The following ZCCHC8 variants were observed in gnomAD, a reference collection of about 807,000 sequenced individuals.
The protein encoded by ZCCHC8 is zinc finger CCHC domain-containing protein 8.
A neutral mutation model predicts 70.6 loss-of-function variants in ZCCHC8; 27 were observed. The ratio of observed to expected loss-of-function variants is 0.38; its 90% CI spans 0.28 to 0.53. The LOEUF (loss-of-function observed/expected upper bound fraction) is 0.53. ZCCHC8 is among the 20% of genes least tolerant of loss of function. The probability of loss-of-function intolerance (pLI) is 0.81; values close to 1 mark genes in which losing one functional copy is unlikely to be tolerated. For missense variants in ZCCHC8, 737 were observed against 876.9 expected (o/e 0.84, Z 2.01); for synonymous variants, 293 against 317.4 (o/e 0.92, Z 0.82).
rs530535659 is a variant in ZCCHC8 at position 122,479,324 on chromosome 12, G to A, written c.1140+866C>T. On this transcript the variant is annotated intron_variant, in intron 11 of 13. Coordinates refer to ENST00000633063, the MANE Select transcript of ZCCHC8 (RefSeq NM_017612.5). ...CTCCTGAGCTCCAGGTGATCCACCC[G>A]CCTTGGCTTCCCAAAGTGCTGGGAT... is the stretch of plus-strand genomic sequence containing the variant. Among the ~76,000 whole-genome samples the A allele has an allele frequency of 1.5e-4, 23 of 152,268 alleles. No individual in the cohort carries two copies. In the East Asian group the frequency reaches 1.5e-3, roughly 10 times the overall value.
intron 4 of ZCCHC8, 64 bp from the exon 5 acceptor site, chr12:122,489,527 T>C: frequency 7.2e-7 from 1 of 1,393,632 alleles, no homozygotes; most frequent in South Asian, 1.2e-5. Context: ...AAATGGAAGT[T>C]AGTAAGTTTA....
chr12:122,473,531 C>T lies in ZCCHC8; in HGVS notation c.2090G>A (p.Arg697Gln), dbSNP rs374767090. Residue 697 changes from arginine (R) to glutamine (Q), a missense_variant, in exon 14 of 14, where the codon CGA becomes CAA. Arg to Gln is a conservative substitution (Grantham distance 43). Transcript: ENST00000633063. ...RIRSLLKNSP[R>Q]NQQKNKKASE ...GGCCTTTTTGTTTTTCTGCTGGTTT[C>T]GGGGTGAGTTCTTTAACAAGCTTCT... 15 of 1,613,672 alleles carry T rather than the reference C, an allele frequency of 9.3e-6. No individual in the cohort carries two copies. Among genetic ancestry groups the T allele is most frequent in the East Asian group, 2.2e-5 (1 of 44,896 alleles).
At chr12:122,480,513 C>A (rs1188610693) in intron 10 of ZCCHC8, 2 of 417,306 alleles carry the variant, frequency 4.8e-6, no homozygotes, top group East Asian at 9.1e-5. Context: ...TGCTTTGTCA[C>A]CAGGCTGGAG....
intron 5 of ZCCHC8, among the ~76,000 whole-genome samples, chr12:122,486,088 A>G (rs1957631414): frequency 6.6e-6 from 1 of 152,168 alleles, no homozygotes; most frequent in Admixed American, 6.5e-5. Flanking sequence ...CCAGCTACAG[A>G]CTATTTTCCA....
In ZCCHC8 at chr12:122,492,803, T is replaced by C; in HGVS notation, c.243-14A>G. On this transcript the variant is annotated splice_polypyrimidine_tract_variant and intron_variant, in intron 2 of 13. Coordinates refer to ENST00000633063, the MANE Select transcript of ZCCHC8 (RefSeq NM_017612.5). ...ACCAATATTCCACTAAAACAGAAGT[T>C]AGAACATATTCTTAGAAGATATTTA... 6.8e-7 allele frequency: 1 copy of C among 1,476,758 alleles called. No individual in the cohort carries two copies. The highest frequency in any genetic ancestry group is 9.3e-7 in the Non-Finnish European group (1 of 1,079,442). The allele number at this position is 1,476,758 out of a possible 1,614,324, so 91.5% of individuals were successfully genotyped here.
chr12:122,486,448 T>G (rs1957642178), intron 5 of ZCCHC8, among the ~76,000 whole-genome samples: 1 of 144,888 alleles, frequency 6.9e-6, no homozygotes, highest in Non-Finnish European at 1.5e-5. Flanking sequence ...AGTCAATTCA[T>G]ATCATGTTAC....
intron 5 of ZCCHC8, among the ~76,000 whole-genome samples, chr12:122,484,680 C>G (rs951370857): frequency 4.0e-5 from 6 of 151,826 alleles, no homozygotes; most frequent in Non-Finnish European, 5.9e-5. Flanking sequence ...GGTGTTGAGC[C>G]ACTGTGCCTG....
intron 11 of ZCCHC8, 21 bp downstream of exon 11, chr12:122,480,169 T>TA: frequency 6.5e-7 from 1 of 1,538,498 alleles, no homozygotes; most frequent in Middle Eastern, 1.7e-4. Context: ...CATGATAATT[T>TA]AAAAAAATCA....
intron 2 of ZCCHC8, among the ~76,000 whole-genome samples, chr12:122,497,833 AC>A (rs1016543532): frequency 8.6e-5 from 13 of 150,358 alleles, no homozygotes; most frequent in Non-Finnish European, 1.9e-4. Context: ...ACACAGCAAG[AC>A]CCTGACTCTA....
At position 122,471,724 on chromosome 12, in the gene ZCCHC8, TTTTCC is replaced by T. The variant is rs1203018479; in HGVS notation, c.*1768_*1772del. The T allele has an allele frequency of 6.6e-6, 1 of 152,264 alleles. No homozygotes were observed. The highest frequency in any genetic ancestry group is 1.5e-5 in the Non-Finnish European group (1 of 68,044). The allele number at this position is 152,264 out of a possible 1,614,324, so 9.4% of individuals were successfully genotyped here. A position where few individuals can be genotyped will look rare whatever the true frequency, so the allele number is the denominator to read the frequency against. ...TAAAAAGAAATTTCTCTCTTTATAA[TTTTCC>T]TTTCCTTTATTCTTTACAGAACAGT... On this transcript the variant is annotated 3_prime_UTR_variant, in exon 14 of 14. Transcript: ENST00000633063.
At chr12:122,474,323 G>A (rs768011345) in intron 13 of ZCCHC8, 48 bp from the exon 14 acceptor site, 1 of 1,328,728 alleles carries the variant, frequency 7.5e-7, no homozygotes, top group Non-Finnish European at 9.7e-7. Context: ...AATAGCATTT[G>A]GTTTTACTAA....
At chr12:122,474,477 G>C (rs1957378354) in intron 13 of ZCCHC8, among the ~76,000 whole-genome samples, 2 of 152,168 alleles carry the variant, frequency 1.3e-5, no homozygotes, top group South Asian at 4.1e-4. Flanking sequence ...AGGGATAGCT[G>C]TCAGGATCTT....
At position 122,498,813 on chromosome 12, in the gene ZCCHC8, C is replaced by CA. The variant is rs760407781; in HGVS notation, c.242+13dup. On this transcript the variant is annotated intron_variant, in intron 2 of 13. Coordinates refer to ENST00000633063, the MANE Select transcript of ZCCHC8 (RefSeq NM_017612.5). ...ATAAGGGACAACTATGGAGTAATTT[C>CA]AAAAATCTCATACCTCGGTCGAGTC... The CA allele has an allele frequency of 6.2e-7, 1 of 1,612,362 alleles. No homozygotes were observed. Among genetic ancestry groups the CA allele is most frequent in the Admixed American group, 1.7e-5 (1 of 59,966 alleles).
Position 122,481,529 on chromosome 12 carries a change from A to G in ZCCHC8, c.1011T>C (p.Asp337=), listed in dbSNP as rs1435544087. 1.2e-6 allele frequency: 2 copies of G among 1,611,928 alleles called. No homozygotes were observed. Among genetic ancestry groups the G allele is most frequent in the Non-Finnish European group, 1.7e-6 (2 of 1,179,366 alleles). The change falls in exon 10 of 14, where the codon GAT becomes GAC. Residue 337 remains aspartate (D), a synonymous_variant. Transcript: ENST00000633063. ...TAACTTAAGATACTATACCTTTTCC[A>G]TCATAGAGTGCAAGCCCCGAATTCT... ...ELENSGLALY[D]GKDGTDGETE... is the part of the protein sequence containing the mutation.
chr12:122,479,478 T>C (rs1182401113), intron 11 of ZCCHC8, among the ~76,000 whole-genome samples: 2 of 152,118 alleles, frequency 1.3e-5, no homozygotes, highest in Non-Finnish European at 2.9e-5. Context: ...ACCATTCATA[T>C]AAAAAATGAG....
intron 11 of ZCCHC8, among the ~76,000 whole-genome samples, chr12:122,478,791 G>A (rs890423621): frequency 4.6e-5 from 7 of 152,074 alleles, no homozygotes; most frequent in South Asian, 2.1e-4. Context: ...AGAATCCCAT[G>A]GAACTCTTGT....
chr12:122,495,153 C>T (rs1446144219), intron 2 of ZCCHC8, among the ~76,000 whole-genome samples: 2 of 152,134 alleles, frequency 1.3e-5, no homozygotes, highest in East Asian at 3.8e-4. Context: ...AATATGGGTG[C>T]TAACCATACT....
chr12:122,477,711 A>C, intron 13 of ZCCHC8, 130 bp downstream of exon 13: 1 of 699,044 alleles, frequency 1.4e-6, no homozygotes, highest in Non-Finnish European at 2.5e-6. Context: ...GAATACTTGA[A>C]CCCGGGAGGC....
In ZCCHC8 at chr12:122,498,813, CA is replaced by C. The variant is rs760407781; in HGVS notation, c.242+13del. 5.0e-6 allele frequency: 8 copies of C among 1,612,244 alleles called. No homozygotes were observed. The highest frequency in any genetic ancestry group is 1.3e-5 in the African/African-American group (1 of 74,876). ...ATAAGGGACAACTATGGAGTAATTT[CA>C]AAAATCTCATACCTCGGTCGAGTCA... On this transcript the variant is annotated intron_variant, in intron 2 of 13. Coordinates refer to ENST00000633063, the MANE Select transcript of ZCCHC8 (RefSeq NM_017612.5).
Sources: allele counts gnomAD v4.1 joint callset (sites outside exome capture counted in the v4.1 genomes callset), GRCh38; gene constraint gnomAD v4.1.1; transcripts MANE v1.5; gene names NCBI Gene and HGNC (gene_info 2026-07-23, HGNC 2026-07-21).